Variants in SMYD3 observed in about 807,000 individuals in gnomAD.
The protein encoded by SMYD3 is SET and MYND domain containing 3, also known as histone-lysine N-methyltransferase SMYD3.
In SMYD3, 36 loss-of-function variants were observed where a neutral mutation model predicts 57.7. That is an observed-to-expected ratio of 0.62 (90% confidence interval 0.48 to 0.82). SMYD3 has a LOEUF of 0.82. Ranked by LOEUF, SMYD3 falls within the 40% of genes least tolerant of loss-of-function variation. The pLI, the probability that SMYD3 is intolerant of heterozygous loss-of-function variation, is 0.00. For synonymous variants in SMYD3, 211 were observed against 195.0 expected (o/e 1.08, Z -0.68); for missense variants, 515 against 538.8 (o/e 0.96, Z 0.44).
In SMYD3 at chr1:246,355,319, G is replaced by A. The variant is rs964325773; in HGVS notation, c.165-225C>T. ...GTCCTTTTGTCTGACAGAAGATGGCGGGGAAGAGGCAGGACCAGCTTGCAG... is the reference window on the plus strand; with the variant it reads ...GTCCTTTTGTCTGACAGAAGATGGCAGGGAAGAGGCAGGACCAGCTTGCAG... On this transcript the variant is annotated intron_variant, in intron 1 of 11. Coordinates refer to ENST00000490107, the MANE Select transcript of SMYD3 (RefSeq NM_001167740.2). The surrounding 1 kb of genome is among the most constrained non-coding windows in gnomAD (Gnocchi z 5.0). 7.6e-5 allele frequency: 39 copies of A among 513,810 alleles called. No homozygotes were observed. Among genetic ancestry groups the A allele is most frequent in the Admixed American group, 1.0e-4 (3 of 28,738 alleles). 31.8% of individuals were successfully genotyped at this position (513,810 alleles called of 1,614,324 possible).
intron 10 of SMYD3, among the ~76,000 whole-genome samples, chr1:245,764,435 TTGA>T (rs1558312628): frequency 6.6e-6 from 1 of 151,680 alleles, no homozygotes; most frequent in East Asian, 1.9e-4. Context: ...GAGCTCTGCG[TTGA>T]TATTTGGGAG....
intron 5 of SMYD3, among the ~76,000 whole-genome samples, chr1:246,050,803 T>C (rs562829554): frequency 3.3e-5 from 5 of 152,320 alleles, no homozygotes; most frequent in Admixed American, 2.6e-4. Context: ...GTAAGTTTCA[T>C]GGCTTAAAGG....
At chr1:246,030,067 G>A (rs572848028) in intron 5 of SMYD3, among the ~76,000 whole-genome samples, 8 of 147,698 alleles carry the variant, frequency 5.4e-5, no homozygotes, top group South Asian at 2.1e-4. Flanking sequence ...CCCCCAATGC[G>A]TATTGCAGCA....
intron 1 of SMYD3, among the ~76,000 whole-genome samples, chr1:246,387,943 T>TA (rs759001752): frequency 0.013 from 467 of 35,674 alleles, 30 homozygotes; most frequent in South Asian, 0.024. Context: ...AGTCAGTTTC[T>TA]GGGGACATCC....
At chr1:245,920,186 G>T (rs569876791) in intron 7 of SMYD3, among the ~76,000 whole-genome samples, 1 of 151,972 alleles carries the variant, frequency 6.6e-6, no homozygotes, top group Non-Finnish European at 1.5e-5. Flanking sequence ...GGTGGCGGGC[G>T]CCTGTAGTCC....
At chr1:246,076,010 A>AT (rs988165418) in intron 5 of SMYD3, among the ~76,000 whole-genome samples, 6 of 151,870 alleles carry the variant, frequency 4.0e-5, no homozygotes, top group African/African-American at 1.2e-4. Context: ...TACAATAAAA[A>AT]TTTTTTTCAT....
chr1:246,230,872 C>A (rs892056607), intron 5 of SMYD3, among the ~76,000 whole-genome samples: 1 of 152,198 alleles, frequency 6.6e-6, no homozygotes, highest in Non-Finnish European at 1.5e-5. Context: ...AATGTGGCTA[C>A]TGGTTACCAT....
intron 5 of SMYD3, among the ~76,000 whole-genome samples, chr1:246,050,748 T>C (rs2060052820): frequency 6.6e-6 from 1 of 152,128 alleles, no homozygotes; most frequent in South Asian, 2.1e-4. Flanking sequence ...TGCACACATG[T>C]ATATAAACAA....
intron 5 of SMYD3, among the ~76,000 whole-genome samples, chr1:246,156,794 T>C (rs943211598): frequency 3.3e-5 from 5 of 152,110 alleles, no homozygotes; most frequent in African/African-American, 1.2e-4. Flanking sequence ...GAGGTCATAT[T>C]TGAGCTGAAT....
chr1:246,353,457 G>A (rs1036992033), intron 2 of SMYD3, among the ~76,000 whole-genome samples: 3 of 152,084 alleles, frequency 2.0e-5, no homozygotes, highest in African/African-American at 7.2e-5. Flanking sequence ...TTGAACCCAG[G>A]ATTTCAAGAC....
intron 10 of SMYD3, among the ~76,000 whole-genome samples, chr1:245,800,039 C>T (rs897406759): frequency 6.6e-6 from 1 of 152,206 alleles, no homozygotes; most frequent in Non-Finnish European, 1.5e-5. Flanking sequence ...CAGCCGTGGG[C>T]CTAAGGTATG....
intron 5 of SMYD3, among the ~76,000 whole-genome samples, chr1:246,185,488 T>C (rs2062621485): frequency 7.8e-6 from 1 of 128,900 alleles, no homozygotes; most frequent in South Asian, 2.6e-4. Flanking sequence ...GGAGTTTTGC[T>C]CTGTCGCCCA....
chr1:246,444,718 G>C (rs1484330206), intron 1 of SMYD3, among the ~76,000 whole-genome samples: 4 of 152,152 alleles, frequency 2.6e-5, no homozygotes, highest in Non-Finnish European at 5.9e-5. Context: ...GAATCCCGAA[G>C]TGTATATATA....
chr1:245,752,556 G>C (rs1020538031), intron 11 of SMYD3, among the ~76,000 whole-genome samples: 1 of 152,164 alleles, frequency 6.6e-6, no homozygotes, highest in Non-Finnish European at 1.5e-5. Flanking sequence ...TTCCTTCCTC[G>C]CTCTTTTCTT....
intron 5 of SMYD3, among the ~76,000 whole-genome samples, chr1:245,971,832 A>G (rs1412258928): frequency 6.6e-6 from 1 of 152,194 alleles, no homozygotes; most frequent in Non-Finnish European, 1.5e-5. Flanking sequence ...TCTGTGAAGG[A>G]GGCTAACAAA....
intron 10 of SMYD3, among the ~76,000 whole-genome samples, chr1:245,849,684 G>A (rs560188682): frequency 6.6e-6 from 1 of 151,852 alleles, no homozygotes; most frequent in African/African-American, 2.4e-5. Flanking sequence ...ACAGGGTCTC[G>A]CTCAGTCACC....
At chr1:245,818,489 A>G (rs1323137559) in intron 10 of SMYD3, among the ~76,000 whole-genome samples, 4 of 152,178 alleles carry the variant, frequency 2.6e-5, no homozygotes, top group Non-Finnish European at 5.9e-5. Context: ...GCATCAACTA[A>G]CGAGCAAAAT....
chr1:246,475,761 T>C (rs1366926701), intron 1 of SMYD3, among the ~76,000 whole-genome samples: 4 of 145,426 alleles, frequency 2.8e-5, no homozygotes, highest in Non-Finnish European at 4.4e-5. Flanking sequence ...ACTACAGGCA[T>C]GCACCAACAC....
intron 10 of SMYD3, among the ~76,000 whole-genome samples, chr1:245,828,773 G>A (rs2049656786): frequency 6.6e-6 from 1 of 151,774 alleles, no homozygotes; most frequent in African/African-American, 2.4e-5. Context: ...ATGATCTCGG[G>A]CTCACTGCAA....
Sources: gnomAD v4.1 joint callset for allele counts (sites outside exome capture counted in the v4.1 genomes callset) on GRCh38, gnomAD v4.1.1 for gene constraint, Gnocchi (gnomAD v3.1) non-coding constraint, MANE v1.5 for transcripts, NCBI Gene and HGNC (gene_info 2026-07-23, HGNC 2026-07-21) for gene names.